The following ESR2 variants were observed in gnomAD, a reference collection of about 807,000 sequenced individuals.
The protein encoded by ESR2 is estrogen receptor beta.
In ESR2, 36 loss-of-function variants were observed where a neutral mutation model predicts 49.6. The ratio of observed to expected loss-of-function variants is 0.73; its 90% CI spans 0.56 to 0.96. ESR2 has a LOEUF of 0.96. Ranked by LOEUF, ESR2 falls within the 40% of genes least tolerant of loss-of-function variation. ESR2 has a pLI of 0.00. For synonymous variants in ESR2, 320 were observed against 266.1 expected, an observed-to-expected ratio of 1.20 and a Z score of -1.97; for missense variants, 714 against 693.0, an observed-to-expected ratio of 1.03 and a Z score of -0.34.
At chr14:64,289,511 T>C (rs2076836344) in intron 1 of ESR2, among the ~76,000 whole-genome samples, 1 of 149,356 alleles carries the variant, frequency 6.7e-6, no homozygotes, top group Admixed American at 6.7e-5. Context: ...AAACTTCATT[T>C]CAAAAAAAAT....
intron 1 of ESR2, chr14:64,332,459 C>T (rs144525289): frequency 6.6e-6 from 1 of 152,308 alleles, no homozygotes; most frequent in African/African-American, 2.4e-5. Flanking sequence ...AAATATTACT[C>T]TTATTATAAG....
At chr14:64,281,010 A>G (rs558966485) in intron 2 of ESR2, among the ~76,000 whole-genome samples, 2 of 152,360 alleles carry the variant, frequency 1.3e-5, no homozygotes, top group South Asian at 2.1e-4. Context: ...CTCCATCTCA[A>G]AAAAATAAAA....
At chr14:64,301,917 G>T (rs1475264657) in intron 1 of ESR2, among the ~76,000 whole-genome samples, 2 of 152,052 alleles carry the variant, frequency 1.3e-5, no homozygotes, top group Non-Finnish European at 2.9e-5. Context: ...CCTAAGAGAT[G>T]GCAAGGAGCA....
At chr14:64,305,857 T>C (rs989876786) in intron 1 of ESR2, among the ~76,000 whole-genome samples, 1 of 152,138 alleles carries the variant, frequency 6.6e-6, no homozygotes, top group Non-Finnish European at 1.5e-5. Flanking sequence ...TCAGCTTCTG[T>C]GCATAGCAAT....
chr14:64,239,071 T>C (rs1221705516), intron 7 of ESR2, among the ~76,000 whole-genome samples: 1 of 152,246 alleles, frequency 6.6e-6, no homozygotes, highest in African/African-American at 2.4e-5. Flanking sequence ...GAAGAAGTCC[T>C]GGCTTTGGGG....
At chr14:64,238,039 A>G (rs2075642537) in intron 7 of ESR2, among the ~76,000 whole-genome samples, 1 of 152,252 alleles carries the variant, frequency 6.6e-6, no homozygotes, top group Non-Finnish European at 1.5e-5. Context: ...TAAATGAATT[A>G]TATCACAATA....
chr14:64,236,111 G>A (rs1387699414), intron 7 of ESR2, among the ~76,000 whole-genome samples: 1 of 152,162 alleles, frequency 6.6e-6, no homozygotes, highest in African/African-American at 2.4e-5. Context: ...GGCAGTTTTT[G>A]TTCTCTATTT....
downstream of ESR2, chr14:64,227,517 C>T (rs74604027): frequency 1.4e-3 from 2,286 of 1,613,172 alleles, 21 homozygotes; most frequent in African/African-American, 0.024. Flanking sequence ...TTTAGGCCAC[C>T]GAGTTGATTA....
rs1390144158 is a variant in ESR2 at position 64,279,988 on chromosome 14, G to A, written c.528C>T (p.Ser176=). ...TTAACAATTCTCTTGTACCTTGAAT[G>A]CTTCTTTTAAAAAAGGCCTTACATC... ...CEGCKAFFKR[S]IQGHNDYICP... Residue 176 remains serine, a synonymous_variant, in exon 3 of 9, where the codon AGC becomes AGT. Coordinates refer to ENST00000341099, the MANE Select transcript of ESR2 (RefSeq NM_001437.3). 6.2e-7 allele frequency: 1 copy of A among 1,613,124 alleles called. No individual in the cohort carries two copies. The highest frequency in any genetic ancestry group is 1.7e-5 in the Admixed American group (1 of 59,960).
chr14:64,261,660 C>T lies in ESR2; in HGVS notation c.653-912G>A, dbSNP rs143474750. ...CTCAAATTCCTGATTCTCAAGTGAT[C>T]TGCCCATCTTGGCCTCCCAAAGTGC... On this transcript the variant is annotated intron_variant, in intron 4 of 8. Coordinates refer to ENST00000341099, the MANE Select transcript of ESR2 (RefSeq NM_001437.3). Among the ~76,000 whole-genome samples the T allele has an allele frequency of 5.3e-3, 804 of 152,304 alleles. 10 individuals are homozygous for T. Among genetic ancestry groups the T allele is most frequent in the African/African-American group, 0.018 (767 of 41,570 alleles).
chr14:64,235,311 C>G lies in ESR2; in HGVS notation c.1226-161G>C, dbSNP rs570296662. On this transcript the variant is annotated intron_variant, in intron 7 of 8. Transcript: ENST00000341099. ...CATGGTCTTACCTCCCCCAGGGGATCTTCCCTGAGAGCCAGCCCCGTCACA... is the reference window on the plus strand; with the variant it reads ...CATGGTCTTACCTCCCCCAGGGGATGTTCCCTGAGAGCCAGCCCCGTCACA... Among the ~76,000 whole-genome samples, 266 of 152,356 alleles carry G rather than the reference C, an allele frequency of 1.7e-3. 1 individual carries two copies. The highest frequency in any genetic ancestry group is 6.1e-3 in the African/African-American group (253 of 41,596).
chr14:64,227,780 C>T (rs1567720567), downstream of ESR2: 19 of 1,538,254 alleles, frequency 1.2e-5, no homozygotes, highest in Non-Finnish European at 1.7e-5. Context: ...TTCTTTCACT[C>T]AAAGCTCAGT....
At chr14:64,275,115 G>T (rs1596442200) in intron 3 of ESR2, among the ~76,000 whole-genome samples, 1 of 152,152 alleles carries the variant, frequency 6.6e-6, no homozygotes, top group African/African-American at 2.4e-5. Flanking sequence ...AGGTCCATTT[G>T]GTCTTTAGTG....
chr14:64,307,378 A>AT (rs1307681149), intron 1 of ESR2, among the ~76,000 whole-genome samples: 6 of 149,320 alleles, frequency 4.0e-5, no homozygotes, highest in Admixed American at 2.7e-4. Context: ...TGCCCAGCTA[A>AT]TTTTTTTTGT....
intron 1 of ESR2, among the ~76,000 whole-genome samples, chr14:64,327,372 C>G (rs2077402513): frequency 6.6e-6 from 1 of 151,312 alleles, no homozygotes; most frequent in African/African-American, 2.4e-5. Flanking sequence ...ACCAGCCTGG[C>G]CAACATGGTG....
In ESR2 at chr14:64,294,095, A is replaced by AG. The variant is rs3832949; in HGVS notation, c.-154dup. 2,814 of 152,378 alleles carry AG rather than the reference A, an allele frequency of 0.018. 81 individuals are homozygous for AG. Among genetic ancestry groups the AG allele is most frequent in the East Asian group, 0.096 (494 of 5,172 alleles). 9.4% of individuals were successfully genotyped at this position (152,378 alleles called of 1,614,324 possible). A position where few individuals can be genotyped will look rare whatever the true frequency, so the allele number is the denominator to read the frequency against. On this transcript the variant is annotated 5_prime_UTR_variant, in exon 1 of 9. Coordinates refer to ENST00000341099, the MANE Select transcript of ESR2 (RefSeq NM_001437.3). Reference sequence around the variant, plus strand: ...TGCGGACACGTGCTTTTCCCGCATTAGGGGGGGTCTCCCGGCGCGCGCCCC... The same window carrying AG: ...TGCGGACACGTGCTTTTCCCGCATTAGGGGGGGGTCTCCCGGCGCGCGCCCC...
At chr14:64,261,396 T>G (rs896776370) in intron 4 of ESR2, among the ~76,000 whole-genome samples, 1 of 150,888 alleles carries the variant, frequency 6.6e-6, no homozygotes, top group African/African-American at 2.5e-5. Flanking sequence ...TGCCACCATA[T>G]TTTTCCACGT....
chr14:64,230,425 G>C lies in ESR2; in HGVS notation c.*2712C>G, dbSNP rs1234745756. On this transcript the variant is annotated 3_prime_UTR_variant, in exon 9 of 9. Transcript: ENST00000341099. ...ATGGCTCTGCCAAGTATTGGTAACT[G>C]ATTTTTCTTCCTTACTGAAATCTAA... 6.6e-6 allele frequency among the ~76,000 whole-genome samples: 1 copy of C among 152,040 alleles called. No individual in the cohort carries two copies. Among genetic ancestry groups the C allele is most frequent in the African/African-American group, 2.4e-5 (1 of 41,402 alleles).
chr14:64,271,349 G>A (rs957685281), intron 3 of ESR2, among the ~76,000 whole-genome samples: 39 of 151,700 alleles, frequency 2.6e-4, no homozygotes, highest in African/African-American at 7.5e-4. Context: ...TTTTGGAGAC[G>A]GAGTCTCTCT....
Sources: allele counts gnomAD v4.1 joint callset (sites outside exome capture counted in the v4.1 genomes callset), GRCh38; gene constraint gnomAD v4.1.1; transcripts MANE v1.5; gene names NCBI Gene and HGNC (gene_info 2026-07-23, HGNC 2026-07-21).